Variants in RSPH10B2 observed in about 807,000 individuals in gnomAD.
The protein encoded by RSPH10B2 is radial spoke head 10 homolog B2 (Chlamydomonas).
A neutral mutation model predicts 49.0 loss-of-function variants in RSPH10B2; 9 were observed. The observed-to-expected ratio is 0.18, with a 90% CI of 0.11 to 0.32. The LOEUF (loss-of-function observed/expected upper bound fraction) is 0.32. RSPH10B2 is among the 10% of genes least tolerant of loss of function. The pLI is 1.00. For missense variants in RSPH10B2, 95 were observed against 589.9 expected, an observed-to-expected ratio of 0.16 and a Z score of 8.69; for synonymous variants, 35 against 210.2, an observed-to-expected ratio of 0.17 and a Z score of 7.21.
At chr7:6,793,204 C>T (rs1378407181) in intron 17 of RSPH10B2, among the ~76,000 whole-genome samples, 4 of 112,300 alleles carry the variant, frequency 3.6e-5, no homozygotes, top group Admixed American at 1.0e-4. Context: ...TGAGCCCAAC[C>T]GCGCCTGGTC....
At chr7:6,791,743 CAAAAAAAAAAA>C (rs146980235) in intron 16 of RSPH10B2, among the ~76,000 whole-genome samples, 150 bp from the exon 19 acceptor site, 168 of 27,126 alleles carry the variant, frequency 6.2e-3, no homozygotes, top group African/African-American at 0.027. Context: ...GACTCTGTCT[CAAAAAAAAAAA>C]AAAAAAAAAG....
chr7:6,782,859 G>C lies in RSPH10B2; in HGVS notation c.1758+1383G>C, dbSNP rs1400536855. On this transcript the variant is annotated intron_variant, in intron 13 of 18. Coordinates refer to ENST00000297186, the Ensembl canonical transcript of RSPH10B2. Reference sequence around the variant, plus strand: ...AATTGTGCCACTGCACTCCAGTCTAGGCAACAAGAGCAGAACTCTGTCTCA... The same window carrying C: ...AATTGTGCCACTGCACTCCAGTCTACGCAACAAGAGCAGAACTCTGTCTCA... Among the ~76,000 whole-genome samples, 3 of 120,200 alleles carry C rather than the reference G, an allele frequency of 2.5e-5. 1 individual carries two copies. The highest frequency in any genetic ancestry group is 6.6e-5 in the African/African-American group (2 of 30,340). The allele number at this position is 120,200 out of a possible 152,430, so 78.9% of individuals were successfully genotyped here.
chr7:6,793,411 A>T (rs1192528682), intron 17 of RSPH10B2, among the ~76,000 whole-genome samples: 1 of 115,632 alleles, frequency 8.6e-6, no homozygotes, highest in Non-Finnish European at 1.7e-5. Context: ...GTGGACTTTT[A>T]AAGGCTCCGT....
intron 17 of RSPH10B2, among the ~76,000 whole-genome samples, chr7:6,793,183 G>A (rs1367582054): frequency 9.0e-6 from 1 of 110,632 alleles, no homozygotes; most frequent in Non-Finnish European, 1.8e-5. Flanking sequence ...AAAGTGCTGA[G>A]GTTACAGGTA....
upstream of RSPH10B2, among the ~76,000 whole-genome samples, chr7:6,752,141 C>T (rs1413063565): frequency 2.0e-5 from 3 of 150,732 alleles, no homozygotes; most frequent in South Asian, 2.1e-4. Flanking sequence ...TTTTTAAACA[C>T]GGGGGATTCT....
At chr7:6,792,551 CTCTTGAGGCCTCTCTG>C (rs1472158916) in intron 17 of RSPH10B2, among the ~76,000 whole-genome samples, 1 of 110,976 alleles carries the variant, frequency 9.0e-6, no homozygotes, top group Non-Finnish European at 1.8e-5. Context: ...GGGAAGATCG[CTCTTGAGGCCTCTCTG>C]TCTGCTGACT....
At chr7:6,764,708 T>TG (rs374611457) in intron 4 of RSPH10B2, among the ~76,000 whole-genome samples, 211 of 147,506 alleles carry the variant, frequency 1.4e-3, no homozygotes, top group East Asian at 0.011. Flanking sequence ...GTTGTTGTTG[T>TG]TGTGTGTGTG....
intron 16 of RSPH10B2, among the ~76,000 whole-genome samples, chr7:6,791,334 C>A (rs1195481430): frequency 2.8e-5 from 4 of 142,604 alleles, no homozygotes; most frequent in Non-Finnish European, 4.5e-5. Context: ...AAATACTGTA[C>A]CAACAGACCC....
chr7:6,756,064 C>G (rs371103790), upstream of RSPH10B2, among the ~76,000 whole-genome samples: 22 of 145,156 alleles, frequency 1.5e-4, no homozygotes, highest in African/African-American at 3.2e-4. Flanking sequence ...GTCAGGAGAT[C>G]GAGACCATCC....
At chr7:6,780,256 G>A (rs1209034854) in intron 11 of RSPH10B2, among the ~76,000 whole-genome samples, 1 of 122,744 alleles carries the variant, frequency 8.1e-6, no homozygotes. Flanking sequence ...GTTCAATACT[G>A]CAAATATCTC....
upstream of RSPH10B2, among the ~76,000 whole-genome samples, chr7:6,756,291 T>TAAATAAATAAATAAAC (rs1562397759): frequency 2.3e-5 from 3 of 129,474 alleles, no homozygotes; most frequent in African/African-American, 1.0e-4. Flanking sequence ...AATAAATAAA[T>TAAATAAATAAATAAAC]AAACAAACCC....
At chr7:6,768,056 G>T (rs1583505174) in intron 6 of RSPH10B2, among the ~76,000 whole-genome samples, 1 of 146,374 alleles carries the variant, frequency 6.8e-6, no homozygotes, top group Middle Eastern at 3.4e-3. Context: ...GCCGGGAGTG[G>T]TCTCTGGTGC....
At chr7:6,793,997 C>G (rs1316780710) in intron 17 of RSPH10B2, 3 of 151,230 alleles carry the variant, frequency 2.0e-5, no homozygotes, top group Admixed American at 6.7e-5. Context: ...TACATGCTCA[C>G]CTTTGCTGCT....
chr7:6,766,658 C>T (rs1781466502), intron 5 of RSPH10B2, 99 bp from the exon 8 acceptor site: 2 of 177,428 alleles, frequency 1.1e-5, no homozygotes, highest in South Asian at 9.2e-5. Flanking sequence ...GGGTGGATTT[C>T]TTCAAAGGAG....
chr7:6,780,616 C>T lies in RSPH10B2; in HGVS notation c.1530-193C>T, dbSNP rs1209838383. ...GCCAGGCTGGTCTTAAACTCCTGAC[C>T]TCGAGTGATCCGCCCACCTTGGCCT... On this transcript the variant is annotated intron_variant, in intron 11 of 18. Transcript: ENST00000297186. 7.7e-5 allele frequency among the ~76,000 whole-genome samples: 9 copies of T among 117,150 alleles called. 3 individuals carry two copies. The highest frequency in any genetic ancestry group is 1.4e-4 in the Non-Finnish European group (8 of 56,550). The allele number at this position is 117,150 out of a possible 152,430, so 76.9% of individuals were successfully genotyped here. A position where few individuals can be genotyped will look rare whatever the true frequency, so the allele number is the denominator to read the frequency against.
chr7:6,777,053 T>A (rs1275602816), intron 10 of RSPH10B2, among the ~76,000 whole-genome samples: 2 of 42,820 alleles, frequency 4.7e-5, no homozygotes, highest in Non-Finnish European at 7.8e-5. Flanking sequence ...TTTTTTGTTT[T>A]GTTTTGTTTT....
intron 7 of RSPH10B2, among the ~76,000 whole-genome samples, chr7:6,770,900 T>A (rs1296536001): frequency 7.2e-6 from 1 of 139,096 alleles, no homozygotes; most frequent in African/African-American, 2.7e-5. Context: ...CGAGACTCCG[T>A]CTCAAAAAAA....
At chr7:6,796,074 C>T (rs2115089211) in intron 17 of RSPH10B2, among the ~76,000 whole-genome samples, 1 of 142,558 alleles carries the variant, frequency 7.0e-6, no homozygotes, top group South Asian at 2.3e-4. Flanking sequence ...AATCCCAGCA[C>T]TTTGGGAGGC....
chr7:6,776,873 T>TCACACACACACA lies in RSPH10B2; in HGVS notation c.1414+370_1414+381dup, dbSNP rs746541740. ...GCCTGGGTGACAGGGCGAGACTCCA[T>TCACACACACACA]CACACACACACACACACACACACAC... On this transcript the variant is annotated intron_variant, in intron 10 of 18. Coordinates refer to ENST00000297186, the Ensembl canonical transcript of RSPH10B2. Among the ~76,000 whole-genome samples the TCACACACACACA allele has an allele frequency of 4.7e-3, 518 of 111,074 alleles. 1 individual carries two copies. The highest frequency in any genetic ancestry group is 8.9e-3 in the Admixed American group (93 of 10,470). 72.9% of individuals were successfully genotyped at this position (111,074 alleles called of 152,430 possible). A position where few individuals can be genotyped will look rare whatever the true frequency, so the allele number is the denominator to read the frequency against.
Sources: gnomAD v4.1 joint callset for allele counts (sites outside exome capture counted in the v4.1 genomes callset) on GRCh38, gnomAD v4.1.1 for gene constraint, MANE v1.5 for transcripts, NCBI Gene and HGNC (gene_info 2026-07-23, HGNC 2026-07-21) for gene names.